The following CYRIB variants were observed in gnomAD, a reference collection of about 807,000 sequenced individuals.
The protein encoded by CYRIB is CYFIP related Rac1 interactor B.
Under a neutral mutation model 44.2 loss-of-function variants are expected in CYRIB, and 8 were observed. The observed-to-expected ratio is 0.18, with a 90% CI of 0.11 to 0.33. The LOEUF is 0.33. Ranked by LOEUF, CYRIB falls within the 10% of genes least tolerant of loss-of-function variation. The pLI is 1.00. For missense variants in CYRIB, 185 were observed against 382.8 expected (o/e 0.48, Z 4.31); for synonymous variants, 131 against 127.2 (o/e 1.03, Z -0.20).
chr8:129,989,749 C>T (rs923674325), intron 1 of CYRIB, among the ~76,000 whole-genome samples: 4 of 150,284 alleles, frequency 2.7e-5, no homozygotes, highest in African/African-American at 7.4e-5. Flanking sequence ...CACCCATTAA[C>T]TCGTCATTTA....
intron 1 of CYRIB, among the ~76,000 whole-genome samples, chr8:129,973,375 T>G (rs1330080207): frequency 6.6e-6 from 1 of 152,234 alleles, no homozygotes; most frequent in Admixed American, 6.5e-5. Flanking sequence ...TCCATTCAGT[T>G]AAGCACAGGA....
chr8:129,926,789 C>G (rs982278577), intron 1 of CYRIB, among the ~76,000 whole-genome samples: 1 of 152,190 alleles, frequency 6.6e-6, no homozygotes, highest in Admixed American at 6.5e-5. Flanking sequence ...GATCAGTCCT[C>G]ACATGATTGC....
intron 4 of CYRIB, among the ~76,000 whole-genome samples, chr8:129,869,056 T>TAA (rs35946610): frequency 5.0e-5 from 6 of 119,038 alleles, no homozygotes; most frequent in African/African-American, 1.9e-4. Context: ...GTTCTATATT[T>TAA]AAAAAAAAAA....
intron 2 of CYRIB, among the ~76,000 whole-genome samples, chr8:129,883,100 T>A: frequency 1.0e-5 from 1 of 99,088 alleles, no homozygotes; most frequent in African/African-American, 4.5e-5. Flanking sequence ...GCAACAGAGC[T>A]AGACTCCCTC....
At chr8:129,999,576 C>A (rs866803457) in intron 1 of CYRIB, among the ~76,000 whole-genome samples, 8 of 152,352 alleles carry the variant, frequency 5.3e-5, no homozygotes, top group Middle Eastern at 3.4e-3. Context: ...CTGGTGGGCA[C>A]CCCCAACGAT....
chr8:129,883,546 A>G (rs1007939266), intron 2 of CYRIB, among the ~76,000 whole-genome samples: 44 of 152,208 alleles, frequency 2.9e-4, no homozygotes, highest in African/African-American at 1.1e-3. Context: ...CCTTTATAAG[A>G]ATAAACAAAA....
In CYRIB at chr8:129,995,785, C is replaced by T. The variant is rs547999284; in HGVS notation, c.-296+20585G>A. Among the ~76,000 whole-genome samples, 7 of 152,334 alleles carry T rather than the reference C, an allele frequency of 4.6e-5. No individual in the cohort carries two copies. The East Asian group carries it at 1.3e-3, about 29-fold the overall frequency. ...GTCAGTTACCTCCTTAATCAGCCACCAGCCCGAGGACCGTGGTCCAGAGGA... is the reference window on the plus strand; with the variant it reads ...GTCAGTTACCTCCTTAATCAGCCACTAGCCCGAGGACCGTGGTCCAGAGGA... On this transcript the variant is annotated intron_variant, in intron 1 of 14. Transcript: ENST00000401979.
At position 129,892,724 on chromosome 8, in the gene CYRIB, T is replaced by A. The variant is rs1218441996; in HGVS notation, c.-11+10588A>T. On this transcript the variant is annotated intron_variant, in intron 2 of 11. Coordinates refer to ENST00000519824, the Ensembl canonical transcript of CYRIB. ...TGGGAAATTAGTCTGACATTCCTTC[T>A]GAAGTTCATGTGCAATATTCACATA... is the stretch of plus-strand genomic sequence containing the variant. Among the ~76,000 whole-genome samples the A allele has an allele frequency of 2.6e-5, 4 of 152,350 alleles. No homozygotes were observed. The East Asian group carries it at 7.7e-4, about 29-fold the overall frequency.
At chr8:129,860,412 A>C (rs2048743464) in intron 5 of CYRIB, among the ~76,000 whole-genome samples, 1 of 152,246 alleles carries the variant, frequency 6.6e-6, no homozygotes, top group African/African-American at 2.4e-5. Flanking sequence ...ACCTAGGCTG[A>C]TTGGGTTATA....
chr8:129,879,414 C>T (rs755050685), exon 3 of CYRIB: 6 of 1,611,860 alleles, frequency 3.7e-6, no homozygotes, highest in Non-Finnish European at 5.1e-6. Context: ...AAAAATTTGG[C>T]CCCTGCTCAA....
intron 2 of CYRIB, among the ~76,000 whole-genome samples, chr8:129,963,959 A>C (rs1391325437): frequency 6.6e-6 from 1 of 152,346 alleles, no homozygotes; most frequent in Non-Finnish European, 1.5e-5. Flanking sequence ...AACAGCATCA[A>C]AACAGCCCTT....
intron 1 of CYRIB, among the ~76,000 whole-genome samples, chr8:129,976,840 T>G (rs981812912): frequency 3.9e-5 from 6 of 152,076 alleles, no homozygotes; most frequent in Non-Finnish European, 7.4e-5. Context: ...TTTTGTTTTT[T>G]GGGGTTTTTT....
intron 2 of CYRIB, among the ~76,000 whole-genome samples, chr8:129,898,984 C>T (rs1218958092): frequency 3.9e-5 from 6 of 152,156 alleles, no homozygotes; most frequent in African/African-American, 1.4e-4. Context: ...GTGCCTCACC[C>T]TCCCAAGTAG....
intron 2 of CYRIB, among the ~76,000 whole-genome samples, chr8:129,899,593 C>T (rs1385702277): frequency 6.6e-6 from 1 of 152,118 alleles, no homozygotes; most frequent in Non-Finnish European, 1.5e-5. Context: ...TGTCAACCTA[C>T]ATAACAGAGA....
At chr8:130,011,302 CCT>C (rs1359850132) in intron 1 of CYRIB, among the ~76,000 whole-genome samples, 21 of 152,104 alleles carry the variant, frequency 1.4e-4, no homozygotes, top group Middle Eastern at 3.4e-3. Flanking sequence ...GGGTAGATCA[CCT>C]GAGGTCAGGA....
chr8:129,959,059 CAAAAA>C (rs60576774), intron 2 of CYRIB, among the ~76,000 whole-genome samples: 7 of 68,358 alleles, frequency 1.0e-4, no homozygotes, highest in South Asian at 5.2e-4. Flanking sequence ...GACTCTGTCT[CAAAAA>C]AAAAAAAAAA....
At chr8:129,866,471 T>C (rs2053645213) in intron 4 of CYRIB, among the ~76,000 whole-genome samples, 1 of 152,086 alleles carries the variant, frequency 6.6e-6, no homozygotes, top group East Asian at 1.9e-4. Context: ...ACAGAAGTTC[T>C]TGAGATCTAA....
At chr8:129,980,719 C>T (rs562342649) in intron 1 of CYRIB, among the ~76,000 whole-genome samples, 3 of 151,764 alleles carry the variant, frequency 2.0e-5, no homozygotes, top group East Asian at 1.9e-4. Context: ...CAGTGGCTCA[C>T]GCCTGTAACC....
intron 1 of CYRIB, among the ~76,000 whole-genome samples, chr8:130,015,974 C>G (rs2097333033): frequency 6.6e-6 from 1 of 151,974 alleles, no homozygotes; most frequent in Non-Finnish European, 1.5e-5. Flanking sequence ...GTCCCCGCAC[C>G]GACACCCGGC....
Sources: gnomAD v4.1 joint callset for allele counts (sites outside exome capture counted in the v4.1 genomes callset) on GRCh38, gnomAD v4.1.1 for gene constraint, MANE v1.5 for transcripts, NCBI Gene and HGNC (gene_info 2026-07-23, HGNC 2026-07-21) for gene names.